Variants in TTC29 observed in about 807,000 individuals in gnomAD.
TTC29 encodes the protein tetratricopeptide repeat domain 29, also known as tetratricopeptide repeat protein 29.
A neutral mutation model predicts 58.1 loss-of-function variants in TTC29; 49 were observed. The observed-to-expected ratio is 0.84, with a 90% confidence interval of 0.67 to 1.07. TTC29 has a LOEUF of 1.07. TTC29 is among the 50% of genes least tolerant of loss of function. TTC29 has a pLI of 0.00. For missense variants in TTC29, 582 were observed against 555.6 expected (o/e 1.05, Z -0.48); for synonymous variants, 209 against 196.8 (o/e 1.06, Z -0.52).
chr4:146,776,721 G>A (rs971027495), intron 11 of TTC29, among the ~76,000 whole-genome samples: 5 of 152,182 alleles, frequency 3.3e-5, no homozygotes, highest in Admixed American at 2.6e-4. Flanking sequence ...TGGGGCAGTG[G>A]GATCTGTGCC....
chr4:146,757,934 A>AG (rs1746580215), intron 11 of TTC29, among the ~76,000 whole-genome samples: 1 of 151,990 alleles, frequency 6.6e-6, no homozygotes, highest in Admixed American at 6.6e-5. Flanking sequence ...CCAAAAAAAA[A>AG]CAAAAACAAA....
At chr4:146,711,457 A>G (rs1243548161) in intron 11 of TTC29, among the ~76,000 whole-genome samples, 1 of 152,150 alleles carries the variant, frequency 6.6e-6, no homozygotes, top group Non-Finnish European at 1.5e-5. Flanking sequence ...CTATTATTCC[A>G]TTAGCTACGC....
At chr4:146,926,298 A>G (rs1432839794) in intron 4 of TTC29, among the ~76,000 whole-genome samples, 2 of 152,152 alleles carry the variant, frequency 1.3e-5, no homozygotes, top group Non-Finnish European at 2.9e-5. Context: ...AGAATTCTGT[A>G]GTCCTTCGCA....
At chr4:146,871,357 C>CA (rs1005134964) in intron 7 of TTC29, among the ~76,000 whole-genome samples, 3 of 151,660 alleles carry the variant, frequency 2.0e-5, no homozygotes, top group Non-Finnish European at 3.0e-5. Context: ...AGGGCATCTA[C>CA]AAAAAAACCC....
At chr4:146,911,693 C>T (rs1733907637) in intron 4 of TTC29, among the ~76,000 whole-genome samples, 1 of 152,142 alleles carries the variant, frequency 6.6e-6, no homozygotes, top group African/African-American at 2.4e-5. Flanking sequence ...TACAGGGCTG[C>T]TACAGCTTCA....
chr4:146,795,062 T>A (rs1397270838), intron 11 of TTC29, among the ~76,000 whole-genome samples: 1 of 152,170 alleles, frequency 6.6e-6, no homozygotes, highest in Non-Finnish European at 1.5e-5. Context: ...CTTAAGAGCA[T>A]GGTAAAAGAA....
intron 11 of TTC29, among the ~76,000 whole-genome samples, chr4:146,794,803 TTAA>T (rs1749722367): frequency 1.3e-5 from 2 of 152,172 alleles, no homozygotes; most frequent in South Asian, 2.1e-4. Flanking sequence ...TTAAAAAAAT[TTAA>T]TTTTAAGTTC....
chr4:146,850,829 T>C (rs1729470109), intron 8 of TTC29, among the ~76,000 whole-genome samples: 3 of 152,238 alleles, frequency 2.0e-5, no homozygotes, highest in Admixed American at 6.5e-5. Context: ...TATAAACTTA[T>C]AAAATGGAGA....
intron 6 of TTC29, among the ~76,000 whole-genome samples, chr4:146,882,379 C>T (rs1437911409): frequency 6.6e-6 from 1 of 151,958 alleles, no homozygotes; most frequent in African/African-American, 2.4e-5. Flanking sequence ...AAAAATGTAA[C>T]GTGTATAATG....
At chr4:146,799,415 T>C (rs574334929) in intron 11 of TTC29, among the ~76,000 whole-genome samples, 1 of 152,048 alleles carries the variant, frequency 6.6e-6, no homozygotes, top group Non-Finnish European at 1.5e-5. Flanking sequence ...GAATGAAAAA[T>C]ACAAGCAAGG....
chr4:146,847,079 C>A (rs925397131), intron 8 of TTC29, among the ~76,000 whole-genome samples: 1 of 152,126 alleles, frequency 6.6e-6, no homozygotes. Context: ...CGTCTATTAC[C>A]CTTTCACAGT....
intron 11 of TTC29, among the ~76,000 whole-genome samples, chr4:146,708,314 A>T (rs888867097): frequency 4.8e-5 from 1 of 20,840 alleles, no homozygotes. Flanking sequence ...AAGTTTATAT[A>T]TATATATATA....
At position 146,867,597 on chromosome 4, in the gene TTC29, G is replaced by T; in HGVS notation, c.800-14C>A. On this transcript the variant is annotated splice_polypyrimidine_tract_variant and intron_variant, in intron 7 of 12. Transcript: ENST00000325106. ...TTTTGTCACTTCCTGAAGTGAAGATGTAAAAAAATTACCAAGTATTCAATA... is the reference window on the plus strand; with the variant it reads ...TTTTGTCACTTCCTGAAGTGAAGATTTAAAAAAATTACCAAGTATTCAATA... 1 of 1,357,382 alleles carries T rather than the reference G, an allele frequency of 7.4e-7. No individual in the cohort carries two copies. The highest frequency in any genetic ancestry group is 1.0e-6 in the Non-Finnish European group (1 of 999,776). The allele number at this position is 1,357,382 out of a possible 1,614,324, so 84.1% of individuals were successfully genotyped here.
intron 11 of TTC29, among the ~76,000 whole-genome samples, chr4:146,737,715 A>C (rs532133655): frequency 6.6e-6 from 1 of 152,044 alleles, no homozygotes; most frequent in Non-Finnish European, 1.5e-5. Context: ...AAGATATTGC[A>C]TGGGTTTGGA....
chr4:146,796,569 A>G (rs559880290), intron 11 of TTC29, among the ~76,000 whole-genome samples: 1 of 152,272 alleles, frequency 6.6e-6, no homozygotes, highest in South Asian at 2.1e-4. Flanking sequence ...CTGAAAAAAA[A>G]TTTTAGATTT....
chr4:146,786,990 A>G (rs959072184), intron 11 of TTC29, among the ~76,000 whole-genome samples: 3 of 152,176 alleles, frequency 2.0e-5, no homozygotes, highest in Admixed American at 1.3e-4. Flanking sequence ...GTGTGGTGGT[A>G]TGCACCTGCA....
At chr4:146,760,865 CTATA>C (rs34185770) in intron 11 of TTC29, among the ~76,000 whole-genome samples, 5 of 97,860 alleles carry the variant, frequency 5.1e-5, no homozygotes, top group Middle Eastern at 5.3e-3. Flanking sequence ...TGATGGAATA[CTATA>C]TATATATATA....
chr4:146,769,828 T>C (rs1214033199), intron 11 of TTC29, among the ~76,000 whole-genome samples: 1 of 152,030 alleles, frequency 6.6e-6, no homozygotes, highest in Non-Finnish European at 1.5e-5. Flanking sequence ...TCTAAAAAAA[T>C]GATACTGCAC....
chr4:146,827,199 C>G (rs1727868032), intron 9 of TTC29, among the ~76,000 whole-genome samples: 1 of 152,136 alleles, frequency 6.6e-6, no homozygotes, highest in South Asian at 2.1e-4. Flanking sequence ...AGGTGGGCCA[C>G]CACACCACAC....
Sources: gnomAD v4.1 joint callset for allele counts (sites outside exome capture counted in the v4.1 genomes callset) on GRCh38, gnomAD v4.1.1 for gene constraint, MANE v1.5 for transcripts, NCBI Gene and HGNC (gene_info 2026-07-23, HGNC 2026-07-21) for gene names.